Variants in COBL observed in about 807,000 individuals in gnomAD.
The protein encoded by COBL is protein cordon-bleu.
In COBL, 51 loss-of-function variants were observed where a neutral mutation model predicts 98.8. That is an observed-to-expected ratio of 0.52 (90% CI 0.41 to 0.65). The LOEUF (loss-of-function observed/expected upper bound fraction) is 0.65, where lower values mean the gene tolerates loss of function less well. COBL is among the 30% of genes least tolerant of loss of function. The pLI is 0.00. For synonymous variants in COBL, 634 were observed against 651.7 expected (o/e 0.97, Z 0.41); for missense variants, 1,617 against 1,617.5 (o/e 1.00, Z 0.01).
At position 51,016,718 on chromosome 7, in the gene COBL, G is replaced by C; in HGVS notation, c.*833C>G. The stretch of plus-strand genomic sequence containing the variant: ...TGCAGGATTCCAGAAGGCTCCCAGT[G>C]AAGTCATCAGGCTCCGTACACAGGC... On this transcript the variant is annotated 3_prime_UTR_variant, in exon 13 of 13. Transcript: ENST00000265136. The C allele has an allele frequency of 2.6e-6, 1 of 380,130 alleles. No individual in the cohort carries two copies. The highest frequency in any genetic ancestry group is 4.7e-6 in the Non-Finnish European group (1 of 214,828). The allele number at this position is 380,130 out of a possible 1,614,324, so 23.5% of individuals were successfully genotyped here. A position where few individuals can be genotyped will look rare whatever the true frequency, so the allele number is the denominator to read the frequency against.
At chr7:51,245,166 T>A (rs2129129018) in intron 1 of COBL, among the ~76,000 whole-genome samples, 1 of 152,112 alleles carries the variant, frequency 6.6e-6, no homozygotes, top group East Asian at 1.9e-4. Flanking sequence ...ATGATGACCT[T>A]CCCTGCCTCC....
At chr7:51,237,535 TC>T in intron 1 of COBL, among the ~76,000 whole-genome samples, 1 of 101,250 alleles carries the variant, frequency 9.9e-6, no homozygotes, top group African/African-American at 4.3e-5. Context: ...CCTTTTTTTT[TC>T]TTAAAAAAAA....
At chr7:51,092,828 T>C (rs1240220823) in intron 6 of COBL, among the ~76,000 whole-genome samples, 1 of 152,254 alleles carries the variant, frequency 6.6e-6, no homozygotes, top group Non-Finnish European at 1.5e-5. Flanking sequence ...ATTGGAATTT[T>C]GATAAAAATT....
chr7:51,063,762 C>A (rs979406120), intron 7 of COBL, among the ~76,000 whole-genome samples: 1 of 152,166 alleles, frequency 6.6e-6, no homozygotes, highest in African/African-American at 2.4e-5. Context: ...TTTTAATGCA[C>A]GATCTTCTGC....
chr7:51,280,420 G>A (rs1411215075), intron 1 of COBL, among the ~76,000 whole-genome samples: 4 of 152,294 alleles, frequency 2.6e-5, no homozygotes, highest in South Asian at 2.1e-4. Flanking sequence ...ACAGGGACTC[G>A]CAAAGCTTCA....
In COBL at chr7:51,300,436, T is replaced by C. The variant is rs113701828; in HGVS notation, c.41+16157A>G. 3.9e-3 allele frequency among the ~76,000 whole-genome samples: 599 copies of C among 152,300 alleles called. 2 individuals carry two copies. Among genetic ancestry groups the C allele is most frequent in the Non-Finnish European group, 5.8e-3 (392 of 68,024 alleles). ...TTAGCCTCCCGAAGTGCTGGGATTA[T>C]AGGCATGAGCCACCATACCTGGCCG... On this transcript the variant is annotated intron_variant, in intron 1 of 12. Coordinates refer to ENST00000265136, the MANE Select transcript of COBL (RefSeq NM_015198.5).
intron 1 of COBL, among the ~76,000 whole-genome samples, chr7:51,224,161 T>C (rs1340929640): frequency 1.3e-5 from 2 of 152,180 alleles, no homozygotes; most frequent in African/African-American, 4.8e-5. Context: ...CATGTAGGTA[T>C]GTGTTGGGTA....
intron 6 of COBL, among the ~76,000 whole-genome samples, chr7:51,092,195 G>A (rs1054045423): frequency 1.3e-5 from 2 of 152,194 alleles, no homozygotes; most frequent in East Asian, 1.9e-4. Context: ...GATCTGAGGT[G>A]GAACAGTTTT....
Position 51,085,148 on chromosome 7 carries a change from A to G in COBL, c.1096+18T>C, listed in dbSNP as rs1794080525. On this transcript the variant is annotated intron_variant, in intron 7 of 12. Coordinates refer to ENST00000265136, the MANE Select transcript of COBL (RefSeq NM_015198.5). ...GCAAGCATCCCCGCATGCAGACGGC[A>G]GGCCGAGCCTCACTCACCCATCGTG... is the stretch of plus-strand genomic sequence containing the variant. 1 of 1,613,588 alleles carries G rather than the reference A, an allele frequency of 6.2e-7. No homozygotes were observed. Among genetic ancestry groups the G allele is most frequent in the Non-Finnish European group, 8.5e-7 (1 of 1,179,878 alleles).
At chr7:51,185,361 G>T (rs565362612) in intron 4 of COBL, among the ~76,000 whole-genome samples, 1 of 152,334 alleles carries the variant, frequency 6.6e-6, no homozygotes, top group Admixed American at 6.5e-5. Flanking sequence ...TGGAGAACAC[G>T]CTTGGGAGTG....
chr7:51,275,120 C>T (rs760732556), intron 1 of COBL, among the ~76,000 whole-genome samples: 10 of 152,074 alleles, frequency 6.6e-5, no homozygotes, highest in Non-Finnish European at 1.3e-4. Flanking sequence ...AGGTGAGGGA[C>T]GCACGTGGAG....
chr7:51,066,188 T>C (rs1791904205), intron 7 of COBL, among the ~76,000 whole-genome samples: 1 of 152,242 alleles, frequency 6.6e-6, no homozygotes, highest in Non-Finnish European at 1.5e-5. Context: ...TCAGTCTCTG[T>C]GGTGTCCTCT....
At chr7:51,178,690 C>T (rs1788647485) in intron 5 of COBL, among the ~76,000 whole-genome samples, 1 of 152,076 alleles carries the variant, frequency 6.6e-6, no homozygotes, top group Admixed American at 6.6e-5. Context: ...CTCACTGCAA[C>T]CTCCGCCCCC....
intron 7 of COBL, among the ~76,000 whole-genome samples, chr7:51,045,116 G>A (rs74384127): frequency 0.051 from 7,717 of 152,212 alleles, 682 homozygotes; most frequent in African/African-American, 0.18. Flanking sequence ...AAGAAACGTC[G>A]CTGTAGCTCC....
At chr7:51,304,875 C>T (rs1017418922) in intron 1 of COBL, among the ~76,000 whole-genome samples, 1 of 152,200 alleles carries the variant, frequency 6.6e-6, no homozygotes, top group Non-Finnish European at 1.5e-5. Flanking sequence ...TAAACAGTCC[C>T]TCGAAGTGAC....
In COBL at chr7:51,055,092, C is replaced by T. The variant is rs557379274; in HGVS notation, c.1097-11400G>A. ...GCAGATATGACCCCAGGGTTGGCTA[C>T]TGCACGCATCCCCAGCCGGAGTTCT... On this transcript the variant is annotated intron_variant, in intron 7 of 12. Coordinates refer to ENST00000265136, the MANE Select transcript of COBL (RefSeq NM_015198.5). Among the ~76,000 whole-genome samples the T allele has an allele frequency of 1.1e-4, 17 of 152,312 alleles. No homozygotes were observed. In the South Asian group the frequency reaches 3.5e-3, roughly 32 times the overall value.
intron 1 of COBL, among the ~76,000 whole-genome samples, chr7:51,274,962 G>A (rs1332469722): frequency 6.6e-6 from 1 of 152,216 alleles, no homozygotes; most frequent in African/African-American, 2.4e-5. Context: ...TTTGTCTGAA[G>A]TGGGAAACAC....
intron 1 of COBL, among the ~76,000 whole-genome samples, chr7:51,297,790 G>T (rs1266047463): frequency 1.3e-5 from 2 of 152,176 alleles, no homozygotes; most frequent in Admixed American, 1.3e-4. Context: ...AGAAAGGTTT[G>T]TATCAGTGGG....
intron 7 of COBL, chr7:51,065,056 A>G (rs556245954): frequency 4.9e-5 from 31 of 637,552 alleles, no homozygotes; most frequent in African/African-American, 4.7e-4. Context: ...TGATTTCAGG[A>G]GGAACATTTA....
Sources: gnomAD v4.1 joint callset for allele counts (sites outside exome capture counted in the v4.1 genomes callset) on GRCh38, gnomAD v4.1.1 for gene constraint, MANE v1.5 for transcripts, NCBI Gene and HGNC (gene_info 2026-07-23, HGNC 2026-07-21) for gene names.